The following KMT2C variants were observed in gnomAD, a reference collection of about 807,000 sequenced individuals.
The protein encoded by KMT2C is lysine methyltransferase 2C, also known as histone-lysine N-methyltransferase 2C.
KMT2C carries 88 observed loss-of-function variants against 507.9 expected under a neutral mutation model. The observed-to-expected ratio is 0.17, with a 90% CI of 0.15 to 0.21. The LOEUF (loss-of-function observed/expected upper bound fraction) is 0.21, where lower values mean the gene tolerates loss of function less well. Ranked by LOEUF, KMT2C falls within the 10% of genes least tolerant of loss-of-function variation. The pLI is 1.00. For synonymous variants in KMT2C, 2,049 were observed against 2,080.8 expected (o/e 0.98, Z 0.42); for missense variants, 4,954 against 5,957.8 (o/e 0.83, Z 5.55).
chr7:152,276,652 C>T (rs1381098142), intron 6 of KMT2C, among the ~76,000 whole-genome samples: 17 of 151,896 alleles, frequency 1.1e-4, no homozygotes, highest in African/African-American at 4.1e-4. Flanking sequence ...ACTCACGAGC[C>T]TGGGGTGGGA....
In KMT2C at chr7:152,430,697, A is replaced by G. The variant is rs557345248; in HGVS notation, c.161+4929T>C. ...CAGGTGCCTACCACCACACCCAGCT[A>G]ATTTTTTTGTAGAGACAAGGCCTCA... On this transcript the variant is annotated intron_variant, in intron 1 of 58. Coordinates refer to ENST00000262189, the MANE Select transcript of KMT2C (RefSeq NM_170606.3). 1.2e-4 allele frequency among the ~76,000 whole-genome samples: 19 copies of G among 152,218 alleles called. No individual in the cohort carries two copies. The South Asian group carries it at 3.9e-3, about 32-fold the overall frequency.
chr7:152,330,153 AGGGGGGGAGGGGTGGTGGG>A (rs1009762495), intron 3 of KMT2C, among the ~76,000 whole-genome samples: 2 of 6,862 alleles, frequency 2.9e-4, no homozygotes, highest in African/African-American at 6.3e-4. Flanking sequence ...AAAAAAAGGG[AGGGGGGGAGGGGTGGTGGG>A]GGGGGGGAGA....
chr7:152,196,350 A>C (rs756837516), intron 27 of KMT2C, among the ~76,000 whole-genome samples: 59 of 152,370 alleles, frequency 3.9e-4, no homozygotes, highest in Admixed American at 8.5e-4. Context: ...TCTAAAAGTG[A>C]CATTGAGAAA....
chr7:152,433,104 T>C (rs1246068719), intron 1 of KMT2C, among the ~76,000 whole-genome samples: 1 of 149,380 alleles, frequency 6.7e-6, no homozygotes, highest in Non-Finnish European at 1.5e-5. Flanking sequence ...GCCGAGATCA[T>C]ACCACTGCAC....
intron 7 of KMT2C, among the ~76,000 whole-genome samples, chr7:152,266,993 C>G (rs2095868953): frequency 6.6e-6 from 1 of 152,154 alleles, no homozygotes; most frequent in Non-Finnish European, 1.5e-5. Flanking sequence ...GCTAGCCACT[C>G]CCACATTAAA....
chr7:152,189,713 C>A (rs531221174), intron 31 of KMT2C, among the ~76,000 whole-genome samples: 5 of 152,336 alleles, frequency 3.3e-5, no homozygotes, highest in African/African-American at 9.6e-5. Flanking sequence ...CGGGCTTACC[C>A]TACTAAATGC....
intron 1 of KMT2C, among the ~76,000 whole-genome samples, chr7:152,383,947 G>C (rs896449491): frequency 1.3e-5 from 2 of 151,742 alleles, no homozygotes; most frequent in Admixed American, 6.6e-5. Flanking sequence ...CACTTTTTTA[G>C]ATGGCCTCCT....
At chr7:152,427,539 G>A (rs878975114) in intron 1 of KMT2C, among the ~76,000 whole-genome samples, 1 of 152,158 alleles carries the variant, frequency 6.6e-6, no homozygotes, top group African/African-American at 2.4e-5. Flanking sequence ...CTGCATGGTA[G>A]TCCATTGATG....
rs140919432 is a variant in KMT2C, at chr7:152,252,613, G to T, written c.1402C>A (p.Pro468Thr). Reference protein sequence around the residue: ...NCYQQQDNLCPFCGKCYHPEL... With the variant: ...NCYQQQDNLCTFCGKCYHPEL... ...GGATGATAACACTTCCCACAGAAGGGACATAAGTTATCCTGCTGTTGGTAA... is the reference window on the plus strand; with the variant it reads ...GGATGATAACACTTCCCACAGAAGGTACATAAGTTATCCTGCTGTTGGTAA... The change falls in exon 10 of 59, where the codon CCC (proline) becomes ACC (threonine). Residue 468 changes from proline (P) to threonine (T), a missense_variant. Physicochemically the swap from Pro to Thr is conservative, Grantham distance 38 (BLOSUM62 -1). Around this residue, in one of 29 missense-constraint regions of KMT2C, gnomAD observed 376 missense variants for 352.4 expected, o/e 1.07. Coordinates refer to ENST00000262189, the MANE Select transcript of KMT2C (RefSeq NM_170606.3). 2,112 of 1,613,302 alleles carry T rather than the reference G, an allele frequency of 1.3e-3. 2 individuals carry two copies. Among genetic ancestry groups the T allele is most frequent in the Non-Finnish European group, 1.7e-3 (2,023 of 1,179,374 alleles).
In KMT2C at chr7:152,311,789, T is replaced by C. The variant is rs180800553; in HGVS notation, c.739+9A>G. 1.7e-5 allele frequency: 27 copies of C among 1,571,110 alleles called. No individual in the cohort carries two copies. The East Asian group carries it at 3.8e-4, about 22-fold the overall frequency. ...TAAGAGGCAGTCATTATTGAAAACATGCCCATACCTGTAGAATCAAATAAG... is the reference window on the plus strand; with the variant it reads ...TAAGAGGCAGTCATTATTGAAAACACGCCCATACCTGTAGAATCAAATAAG... On this transcript the variant is annotated intron_variant, in intron 5 of 58. Transcript: ENST00000262189.
In KMT2C at chr7:152,157,659, G is replaced by A; in HGVS notation, c.11670+1204C>T. ...TGAACTTAAGTTTTAATAAAACTTG[G>A]AAGAGTAGATGTAAACTAAATACAA... is the stretch of plus-strand genomic sequence containing the variant. On this transcript the variant is annotated intron_variant, in intron 44 of 58. Coordinates refer to ENST00000262189, the MANE Select transcript of KMT2C (RefSeq NM_170606.3). 4.3e-6 allele frequency: 3 copies of A among 693,546 alleles called. No individual in the cohort carries two copies. The South Asian group carries it at 9.2e-5, about 21-fold the overall frequency. The allele number at this position is 693,546 out of a possible 1,614,324, so 43.0% of individuals were successfully genotyped here. A position where few individuals can be genotyped will look rare whatever the true frequency, so the allele number is the denominator to read the frequency against.
intron 6 of KMT2C, among the ~76,000 whole-genome samples, chr7:152,286,141 G>T (rs1201149029): frequency 6.6e-6 from 1 of 152,308 alleles, no homozygotes; most frequent in Non-Finnish European, 1.5e-5. Flanking sequence ...AAAACACTGG[G>T]AAGAAAACGA....
intron 30 of KMT2C, 22 bp from the exon 31 acceptor site, chr7:152,194,150 G>A (rs757534144): frequency 6.9e-5 from 108 of 1,564,830 alleles, no homozygotes; most frequent in Non-Finnish European, 8.5e-5. Context: ...AACAATAATA[G>A]TAACAAGATT....
intron 1 of KMT2C, among the ~76,000 whole-genome samples, chr7:152,360,791 G>A (rs972909294): frequency 3.3e-5 from 5 of 151,768 alleles, no homozygotes; most frequent in Admixed American, 3.3e-4. Context: ...AGAAGTTGCG[G>A]TGAGCCGAGA....
intron 51 of KMT2C, 44 bp downstream of exon 51, chr7:152,150,856 C>A: frequency 7.7e-7 from 1 of 1,299,814 alleles, no homozygotes; most frequent in South Asian, 1.2e-5. Flanking sequence ...ACACAGAAGT[C>A]ACTCGTTACA....
At chr7:152,360,631 C>A (rs1007566479) in intron 1 of KMT2C, among the ~76,000 whole-genome samples, 1 of 151,808 alleles carries the variant, frequency 6.6e-6, no homozygotes, top group Non-Finnish European at 1.5e-5. Flanking sequence ...GTAGGGAGTT[C>A]GAGACCAGCC....
chr7:152,396,307 C>A (rs748615541), intron 1 of KMT2C, among the ~76,000 whole-genome samples: 3 of 152,138 alleles, frequency 2.0e-5, no homozygotes, highest in Non-Finnish European at 2.9e-5. Flanking sequence ...TTAAAAAATA[C>A]ATAAATGAAA....
chr7:152,414,508 A>G (rs1201736366), intron 1 of KMT2C, among the ~76,000 whole-genome samples: 4 of 152,220 alleles, frequency 2.6e-5, no homozygotes, highest in Non-Finnish European at 4.4e-5. Context: ...AGCCTGGGCA[A>G]CAAGCACGAA....
intron 6 of KMT2C, among the ~76,000 whole-genome samples, chr7:152,307,704 A>G (rs996569827): frequency 2.0e-5 from 3 of 152,222 alleles, no homozygotes; most frequent in Non-Finnish European, 2.9e-5. Flanking sequence ...ATTATTAATC[A>G]GTAAGAACAA....
Sources: gnomAD v4.1 joint callset for allele counts (sites outside exome capture counted in the v4.1 genomes callset) on GRCh38, gnomAD v4.1.1 for gene constraint, gnomAD v4.1.1 regional missense constraint, MANE v1.5 for transcripts, NCBI Gene and HGNC (gene_info 2026-07-23, HGNC 2026-07-21) for gene names.